The following FSIP2 variants were observed in gnomAD, a reference collection of about 807,000 sequenced individuals.
FSIP2 encodes the protein fibrous sheath interacting protein 2, also known as fibrous sheath-interacting protein 2.
FSIP2 carries 367 observed loss-of-function variants against 510.5 expected under a neutral mutation model. The ratio of observed to expected loss-of-function variants is 0.72; its 90% CI spans 0.66 to 0.78. FSIP2 has a LOEUF of 0.78. Ranked by LOEUF, FSIP2 falls within the 30% of genes least tolerant of loss-of-function variation. FSIP2 has a pLI of 0.00. For synonymous variants in FSIP2, 2,601 were observed against 2,732.2 expected, an observed-to-expected ratio of 0.95 and a Z score of 1.50; for missense variants, 7,594 against 7,901.7, an observed-to-expected ratio of 0.96 and a Z score of 1.48.
upstream of FSIP2, chr2:185,738,775 G>T (rs1418917210): frequency 1.3e-6 from 2 of 1,535,880 alleles, no homozygotes; most frequent in Non-Finnish European, 8.7e-7. Flanking sequence ...GAACGCGGGG[G>T]GCGGGGCTGA....
Position 185,804,918 on chromosome 2 carries a change from C to A in FSIP2, c.15612C>A (p.Phe5204Leu). Residue 5204 changes from phenylalanine to leucine, a missense_variant, in exon 17 of 23, where the codon TTC (phenylalanine) becomes TTA (leucine). By Grantham distance (22) the Phe-to-Leu change is conservative. Transcript: ENST00000424728. ...ATAATATTTTGAAAACATCTGAATT[C>A]CAAGCTGAAGTACAAAAAGATGCAG... ...ICNNILKTSEFQAEVQKDADK... is the reference protein window; with the variant it reads ...ICNNILKTSELQAEVQKDADK... The A allele has an allele frequency of 6.6e-7, 1 of 1,526,070 alleles. No homozygotes were observed. Among genetic ancestry groups the A allele is most frequent in the South Asian group, 1.2e-5 (1 of 82,346 alleles). 94.5% of individuals were successfully genotyped at this position (1,526,070 alleles called of 1,614,324 possible).
rs769034659 is a variant in FSIP2 at position 185,801,180 on chromosome 2, T to C, written c.11874T>C (p.His3958=). ...RTKEMDKVAI[H]NKLHQEGIYA... is the part of the protein sequence containing the mutation. ...AGGAAATGGATAAGGTAGCCATTCA[T>C]AATAAGCTACATCAGGAAGGTATAT... Residue 3958 remains histidine (H), a synonymous_variant, in exon 17 of 23, where the codon CAT becomes CAC. Transcript: ENST00000424728. 1.2e-5 allele frequency: 19 copies of C among 1,534,112 alleles called. 1 individual carries two copies. The highest frequency in any genetic ancestry group is 3.3e-4 in the Middle Eastern group (2 of 5,976).
intron 19 of FSIP2, among the ~76,000 whole-genome samples, chr2:185,822,614 T>TTAAATGGATAAA (rs1693944256): frequency 6.6e-6 from 1 of 151,856 alleles, no homozygotes; most frequent in African/African-American, 2.4e-5. Context: ...AGACTTAATA[T>TTAAATGGATAAA]TATTAAAATG....
chr2:185,823,882 A>G (rs1693968729), intron 19 of FSIP2, among the ~76,000 whole-genome samples: 1 of 151,966 alleles, frequency 6.6e-6, no homozygotes, highest in East Asian at 1.9e-4. Context: ...TAAATATTCA[A>G]TGGAATGTTA....
intron 21 of FSIP2, among the ~76,000 whole-genome samples, chr2:185,828,836 C>G (rs999026122): frequency 6.6e-6 from 1 of 151,700 alleles, no homozygotes; most frequent in South Asian, 2.1e-4. Flanking sequence ...GCTTAAACAC[C>G]CTTCGAGTGG....
rs781304752 is a variant in FSIP2 at position 185,806,612 on chromosome 2, A to T, written c.17306A>T (p.Asp5769Val). 1 of 1,609,150 alleles carries T rather than the reference A, an allele frequency of 6.2e-7. No homozygotes were observed. The highest frequency in any genetic ancestry group is 1.1e-5 in the South Asian group (1 of 90,302). Residue 5769 changes from aspartate to valine, a missense_variant, in exon 17 of 23, where the codon GAT (aspartate) becomes GTT (valine). Physicochemically the swap from Asp to Val is radical, Grantham distance 152. Coordinates refer to ENST00000424728, the MANE Select transcript of FSIP2 (RefSeq NM_173651.4). ...ATTAAAAGTGAACCCAGTAAACCAG[A>T]TGATCCTCAAAACCAACGAGAAAGT... is the stretch of plus-strand genomic sequence containing the variant. ...EEIKSEPSKP[D>V]DPQNQRESKP... is the part of the protein sequence containing the mutation.
In FSIP2 at chr2:185,764,511, A is replaced by T. The variant is rs1201129843; in HGVS notation, c.1357A>T (p.Asn453Tyr). The T allele has an allele frequency of 1.3e-6, 2 of 1,530,624 alleles. No homozygotes were observed. The highest frequency in any genetic ancestry group is 1.7e-6 in the Non-Finnish European group (2 of 1,143,302). 94.8% of individuals were successfully genotyped at this position (1,530,624 alleles called of 1,614,324 possible). The part of the protein sequence containing the change: ...LDPSKEEKET[N>Y]ADWDGRPTKR... The stretch of plus-strand genomic sequence containing the variant: ...GTTGTGAATTATGTAGAAGGAGACA[A>T]ATGCTGATTGGGATGGAAGACCAAC... Residue 453 changes from asparagine (N) to tyrosine (Y), a missense_variant, in exon 13 of 23, where the codon AAT (asparagine) becomes TAT (tyrosine). Transcript: ENST00000424728.
At chr2:185,812,963 A>T (rs1316901940) in intron 17 of FSIP2, among the ~76,000 whole-genome samples, 2 of 152,088 alleles carry the variant, frequency 1.3e-5, no homozygotes, top group Non-Finnish European at 1.5e-5. Context: ...TCTGTCTTTA[A>T]CATTGACATT....
rs1383432321 is a variant in FSIP2, at chr2:185,747,423, G to A, written c.870G>A (p.Lys290=). 40 of 1,483,758 alleles carry A rather than the reference G, an allele frequency of 2.7e-5. No individual in the cohort carries two copies. The highest frequency in any genetic ancestry group is 3.5e-5 in the Non-Finnish European group (38 of 1,099,520). 91.9% of individuals were successfully genotyped at this position (1,483,758 alleles called of 1,614,324 possible). Residue 290 remains lysine, a splice_region_variant and synonymous_variant, in exon 7 of 23, where the codon AAG becomes AAA. Transcript: ENST00000424728. ...GAAACAGAGAAGAGAGTGACAGGAA[G>A]GTAGGGTGAGCTTTAACCTCTAACT... ...QHRNREESDR[K]KQDLLEKKMA...
rs140781933 is a variant in FSIP2, at chr2:185,806,094, G to A, written c.16788G>A (p.Glu5596=). Reference sequence around the variant, plus strand: ...TAATAATTGATGATACAGAATATGAGAAGGAAGTACTTGGATCAGATTCTG... The same window carrying A: ...TAATAATTGATGATACAGAATATGAAAAGGAAGTACTTGGATCAGATTCTG... ...FSLIIDDTEY[E]KEVLGSDSEI... The change falls in exon 17 of 23, where the codon GAG becomes GAA. Residue 5596 remains glutamate (E), a synonymous_variant. Coordinates refer to ENST00000424728, the MANE Select transcript of FSIP2 (RefSeq NM_173651.4). 91 of 1,575,974 alleles carry A rather than the reference G, an allele frequency of 5.8e-5. 1 individual carries two copies. In the Admixed American group the frequency reaches 7.8e-4, roughly 13 times the overall value.
Position 185,789,038 on chromosome 2 carries a change from A to G in FSIP2, c.1902A>G (p.Leu634=). 1 of 1,534,178 alleles carries G rather than the reference A, an allele frequency of 6.5e-7. No individual in the cohort carries two copies. Among genetic ancestry groups the G allele is most frequent in the South Asian group, 1.2e-5 (1 of 84,014 alleles). Residue 634 remains leucine (L), a synonymous_variant, in exon 16 of 23, where the codon CTA becomes CTG. Coordinates refer to ENST00000424728, the MANE Select transcript of FSIP2 (RefSeq NM_173651.4). ...SKHKYNKTNL[L]YSYPKLRSCK... ...ATAAATATAATAAAACCAACTTGCTATATTCATACCCTAAGCTCAGAAGTT... is the reference window on the plus strand; with the variant it reads ...ATAAATATAATAAAACCAACTTGCTGTATTCATACCCTAAGCTCAGAAGTT...
chr2:185,821,009 T>TAAAAA (rs59331328), intron 19 of FSIP2, among the ~76,000 whole-genome samples: 2 of 74,962 alleles, frequency 2.7e-5, no homozygotes, highest in African/African-American at 9.9e-5. Flanking sequence ...GTTGGTTCGT[T>TAAAAA]AAAAAAAAAA....
Position 185,774,417 on chromosome 2 carries a change from T to G in FSIP2, c.1412-8288T>G, listed in dbSNP as rs970111851. 2.6e-5 allele frequency among the ~76,000 whole-genome samples: 4 copies of G among 152,334 alleles called. No homozygotes were observed. The South Asian group carries it at 8.3e-4, about 32-fold the overall frequency. On this transcript the variant is annotated intron_variant, in intron 13 of 22. Transcript: ENST00000424728. ...TTAATAATATGTGGTAATTTAAAAC[T>G]TCACTTTATCTTTATCCCTTTGTGC... is the stretch of plus-strand genomic sequence containing the variant.
chr2:185,791,155 A>T lies in FSIP2; in HGVS notation c.4019A>T (p.Lys1340Ile), dbSNP rs1458029023. 6.5e-7 allele frequency: 1 copy of T among 1,533,538 alleles called. No homozygotes were observed. The highest frequency in any genetic ancestry group is 8.7e-7 in the Non-Finnish European group (1 of 1,145,250). The allele number at this position is 1,533,538 out of a possible 1,614,324, so 95.0% of individuals were successfully genotyped here. A position where few individuals can be genotyped will look rare whatever the true frequency, so the allele number is the denominator to read the frequency against. The change falls in exon 16 of 23, where the codon AAA becomes ATA. Residue 1340 changes from lysine to isoleucine, a missense_variant. Transcript: ENST00000424728. ...DKGFFANTDK[K>I]LESLVTSIDD... ...GGATTTTTTGCTAATACTGATAAAA[A>T]ATTAGAATCTCTTGTCACGAGTATT...
chr2:185,800,039 T>C lies in FSIP2; in HGVS notation c.10733T>C (p.Ile3578Thr). ...LFNNKIIQADIAQKMVAIPTK... is the reference protein window; with the variant it reads ...LFNNKIIQADTAQKMVAIPTK... The stretch of plus-strand genomic sequence containing the variant: ...AATAATAAAATTATACAGGCTGACA[T>C]TGCACAGAAAATGGTTGCCATACCT... The change falls in exon 17 of 23, where the codon ATT (isoleucine) becomes ACT (threonine). Residue 3578 changes from isoleucine to threonine, a missense_variant. Transcript: ENST00000424728. 9 of 1,528,236 alleles carry C rather than the reference T, an allele frequency of 5.9e-6. No individual in the cohort carries two copies. Among genetic ancestry groups the C allele is most frequent in the Non-Finnish European group, 7.9e-6 (9 of 1,141,226 alleles). 94.7% of individuals were successfully genotyped at this position (1,528,236 alleles called of 1,614,324 possible). A position where few individuals can be genotyped will look rare whatever the true frequency, so the allele number is the denominator to read the frequency against.
chr2:185,754,324 A>G (rs1559012060), intron 8 of FSIP2, among the ~76,000 whole-genome samples: 1 of 151,492 alleles, frequency 6.6e-6, no homozygotes, highest in Non-Finnish European at 1.5e-5. Context: ...ATAACATTAT[A>G]AAATTACAAT....
Position 185,772,843 on chromosome 2 carries a change from C to T in FSIP2, c.1411+8278C>T, listed in dbSNP as rs189538681. ...CCTCTCCTCTTCTCTTTTTCTTCTC[C>T]TTTCTTTTCTTTTGTTTTTGTTTTT... On this transcript the variant is annotated intron_variant, in intron 13 of 22. Coordinates refer to ENST00000424728, the MANE Select transcript of FSIP2 (RefSeq NM_173651.4). 1.1e-3 allele frequency among the ~76,000 whole-genome samples: 166 copies of T among 147,794 alleles called. 2 individuals carry two copies. In the East Asian group the frequency reaches 0.033, roughly 29 times the overall value.
At chr2:185,738,800 G>A, upstream of FSIP2, 1 of 1,536,002 alleles carries the variant, frequency 6.5e-7, no homozygotes, top group Middle Eastern at 1.7e-4. Flanking sequence ...GTTGGGCTCT[G>A]GCCATTCCTG....
At chr2:185,762,752 T>C (rs1405631216) in intron 11 of FSIP2, among the ~76,000 whole-genome samples, 5 of 151,590 alleles carry the variant, frequency 3.3e-5, no homozygotes, top group Admixed American at 6.6e-5. Context: ...GTAATCTTCC[T>C]CCAATTTCAT....
Sources: gnomAD v4.1 joint callset for allele counts (sites outside exome capture counted in the v4.1 genomes callset) on GRCh38, gnomAD v4.1.1 for gene constraint, MANE v1.5 for transcripts, NCBI Gene and HGNC (gene_info 2026-07-23, HGNC 2026-07-21) for gene names.